Variants in GABRD observed in about 807,000 individuals in gnomAD.
The protein encoded by GABRD is gamma-aminobutyric acid receptor subunit delta.
A neutral mutation model predicts 47.3 loss-of-function variants in GABRD; 25 were observed. That is an observed-to-expected ratio of 0.53 (90% CI 0.39 to 0.74). The LOEUF is 0.74. Among genes scored for constraint, GABRD ranks in the 30% least tolerant of loss-of-function variants. The probability of loss-of-function intolerance (pLI) is 0.00; values close to 1 mark genes in which losing one functional copy is unlikely to be tolerated. For missense variants in GABRD, 497 were observed against 643.4 expected (o/e 0.77, Z 2.46); for synonymous variants, 314 against 278.8 (o/e 1.13, Z -1.26).
Position 2,028,316 on chromosome 1 carries a change from C to A in GABRD, c.691+24C>A. 1 of 1,594,952 alleles carries A rather than the reference C, an allele frequency of 6.3e-7. No homozygotes were observed. Among genetic ancestry groups the A allele is most frequent in the East Asian group, 2.3e-5 (1 of 43,922 alleles). ...CGGTAACATATGCCCGCCGCCCCTT[C>A]CGCATGTGCCCGCCGCCCCTTCCGC... On this transcript the variant is annotated intron_variant, in intron 6 of 8. Coordinates refer to ENST00000378585, the MANE Select transcript of GABRD (RefSeq NM_000815.5). This position sits in a 1 kb window ranked among gnomAD's most constrained non-coding sequence, Gnocchi z 6.4.
chr1:2,029,681 G>A lies in GABRD; in HGVS notation c.978G>A (p.Val326=), dbSNP rs1036762635. 6.2e-7 allele frequency: 1 copy of A among 1,613,572 alleles called. No individual in the cohort carries two copies. The highest frequency in any genetic ancestry group is 1.6e-4 in the Middle Eastern group (1 of 6,062). The change falls in exon 8 of 9, where the codon GTG becomes GTA. Residue 326 remains valine, a synonymous_variant. Coordinates refer to ENST00000378585, the MANE Select transcript of GABRD (RefSeq NM_000815.5). ...ATGTCTTCGTGTTTGCCGCCCTGGT[G>A]GAGTACGCCTTTGCTCATTTCAACG... The part of the protein sequence containing the change: ...ICYVFVFAAL[V]EYAFAHFNAD...
At chr1:2,029,454 G>A (rs1324732812) in intron 7 of GABRD, 97 bp from the exon 8 acceptor site, 5 of 1,525,410 alleles carry the variant, frequency 3.3e-6, no homozygotes, top group Non-Finnish European at 3.6e-6. Context: ...TGGGGGTGGG[G>A]GGCAGCGGAC....
chr1:2,028,784 A>C lies in GABRD; in HGVS notation c.692-327A>C. 1 of 358,304 alleles carries C rather than the reference A, an allele frequency of 2.8e-6. No individual in the cohort carries two copies. The highest frequency in any genetic ancestry group is 5.1e-6 in the Non-Finnish European group (1 of 196,958). 22.2% of individuals were successfully genotyped at this position (358,304 alleles called of 1,614,324 possible). A position where few individuals can be genotyped will look rare whatever the true frequency, so the allele number is the denominator to read the frequency against. On this transcript the variant is annotated intron_variant, in intron 6 of 8. Transcript: ENST00000378585. The surrounding 1 kb of genome is among the most constrained non-coding windows in gnomAD (Gnocchi z 6.4). ...TCCAGAGCCTGGCTGTGCCCGCAGGAGTGTTAGGAGAGAAAGGGGTGAGCC... is the reference window on the plus strand; with the variant it reads ...TCCAGAGCCTGGCTGTGCCCGCAGGCGTGTTAGGAGAGAAAGGGGTGAGCC...
intron 1 of GABRD, 50 bp downstream of exon 1, chr1:2,019,541 C>T: frequency 9.4e-7 from 1 of 1,058,306 alleles, no homozygotes; most frequent in Non-Finnish European, 1.2e-6. Context: ...GTGGGGGGCC[C>T]GCGTCGGCCC....
Position 2,025,234 on chromosome 1 carries a change from T to C in GABRD, c.182-100T>C, listed in dbSNP as rs1042725496. ...CAGGGAGGTGCAGCTTCTCAGGCCATGATGGCCGACTGCCTGTGACTGGGA... is the reference window on the plus strand; with the variant it reads ...CAGGGAGGTGCAGCTTCTCAGGCCACGATGGCCGACTGCCTGTGACTGGGA... On this transcript the variant is annotated intron_variant, in intron 2 of 8. Transcript: ENST00000378585. 7.6e-6 allele frequency: 11 copies of C among 1,451,450 alleles called. No individual in the cohort carries two copies. In the African/African-American group the frequency reaches 1.1e-4, roughly 15 times the overall value. The allele number at this position is 1,451,450 out of a possible 1,614,324, so 89.9% of individuals were successfully genotyped here. A position where few individuals can be genotyped will look rare whatever the true frequency, so the allele number is the denominator to read the frequency against.
intron 1 of GABRD, among the ~76,000 whole-genome samples, chr1:2,020,336 C>G (rs1658739832): frequency 6.6e-6 from 1 of 152,246 alleles, no homozygotes; most frequent in African/African-American, 2.4e-5. Flanking sequence ...TTGAAAATCA[C>G]CTCAGTGCAA....
Position 2,025,317 on chromosome 1 carries a change from C to G in GABRD, c.182-17C>G, listed in dbSNP as rs1658890635. On this transcript the variant is annotated splice_polypyrimidine_tract_variant and intron_variant, in intron 2 of 8. Coordinates refer to ENST00000378585, the MANE Select transcript of GABRD (RefSeq NM_000815.5). Reference sequence around the variant, plus strand: ...GGGCCGGCCTCAGTCCTTCTTAGTTCTGCTCTTTCCTTGCAGGCCCCCCCG... The same window carrying G: ...GGGCCGGCCTCAGTCCTTCTTAGTTGTGCTCTTTCCTTGCAGGCCCCCCCG... The G allele has an allele frequency of 1.2e-6, 2 of 1,612,998 alleles. No homozygotes were observed. Among genetic ancestry groups the G allele is most frequent in the South Asian group, 1.1e-5 (1 of 91,092 alleles).
rs1218136405 is a variant in GABRD, at chr1:2,030,045, G to T, written c.1122G>T (p.Leu374=). 1.2e-6 allele frequency: 2 copies of T among 1,612,402 alleles called. No individual in the cohort carries two copies. The highest frequency in any genetic ancestry group is 2.2e-5 in the South Asian group (2 of 91,042). ...CTGCTGCCGGCGTCACGCAGGAGCT[G>T]GCCATCTCCCGCCGGCAGCGCCGCG... is the stretch of plus-strand genomic sequence containing the variant. ...SLSAAGVTQE[L]AISRRQRRVP... Residue 374 remains leucine (L), a synonymous_variant, in exon 9 of 9, where the codon CTG becomes CTT. Transcript: ENST00000378585.
rs1429789997 is a variant in GABRD, at chr1:2,029,547, G to A, written c.848-4G>A. The A allele has an allele frequency of 1.9e-6, 3 of 1,612,080 alleles. No homozygotes were observed. Among genetic ancestry groups the A allele is most frequent in the Admixed American group, 3.3e-5 (2 of 60,006 alleles). On this transcript the variant is annotated splice_polypyrimidine_tract_variant and splice_region_variant and intron_variant, in intron 7 of 8. Coordinates refer to ENST00000378585, the MANE Select transcript of GABRD (RefSeq NM_000815.5). Reference sequence around the variant, plus strand: ...ACGACAATGGCACCACCTGTGCCCGGCAGGCATCACCACGGTGCTGACGAT... The same window carrying A: ...ACGACAATGGCACCACCTGTGCCCGACAGGCATCACCACGGTGCTGACGAT...
chr1:2,025,139 G>A (rs1658885203), intron 2 of GABRD, 85 bp downstream of exon 2: 1 of 1,329,796 alleles, frequency 7.5e-7, no homozygotes, highest in African/African-American at 1.5e-5. Flanking sequence ...GCTGTAGGCT[G>A]GCCTCTAGGC....
At position 2,030,313 on chromosome 1, in the gene GABRD, T is replaced by G; in HGVS notation, c.*31T>G. The G allele has an allele frequency of 6.8e-7, 1 of 1,473,342 alleles. No individual in the cohort carries two copies. Among genetic ancestry groups the G allele is most frequent in the South Asian group, 1.4e-5 (1 of 70,476 alleles). The allele number at this position is 1,473,342 out of a possible 1,614,324, so 91.3% of individuals were successfully genotyped here. A position where few individuals can be genotyped will look rare whatever the true frequency, so the allele number is the denominator to read the frequency against. On this transcript the variant is annotated 3_prime_UTR_variant, in exon 9 of 9. Transcript: ENST00000378585. ...GGACTCAGGCCACCCTCGCTTGTCC[T>G]GGCGCCCGGCGGCAGCTGCCCAGAA...
rs995042272 is a variant in GABRD, at chr1:2,023,218, C to G, written c.69-1724C>G. On this transcript the variant is annotated intron_variant, in intron 1 of 8. Transcript: ENST00000378585. ...TAGCCTGAGGCACCAGACCTCTGTGCCCTGCCCCTTGCCTCTCCCTTGGGA... is the reference window on the plus strand; with the variant it reads ...TAGCCTGAGGCACCAGACCTCTGTGGCCTGCCCCTTGCCTCTCCCTTGGGA... Among the ~76,000 whole-genome samples, 9 of 152,174 alleles carry G rather than the reference C, an allele frequency of 5.9e-5. 2 individuals are homozygous for G.
At chr1:2,022,297 C>T (rs1051619560) in intron 1 of GABRD, 2 of 152,324 alleles carry the variant, frequency 1.3e-5, no homozygotes, top group African/African-American at 4.8e-5. Context: ...AGTGAGGGGC[C>T]CTCCAGACCC....
At position 2,025,634 on chromosome 1, in the gene GABRD, C is replaced by T. The variant is rs1019524374; in HGVS notation, c.366C>T (p.Pro122=). Residue 122 remains proline (P), a synonymous_variant, in exon 4 of 9, where the codon CCC becomes CCT. Coordinates refer to ENST00000378585, the MANE Select transcript of GABRD (RefSeq NM_000815.5). ...DSRFVDKLWL[P]DTFIVNAKSA... ...GCTTCGTGGACAAGCTGTGGCTGCC[C>T]GACACCTTCATCGTGAACGCCAAGT... The T allele has an allele frequency of 8.1e-6, 13 of 1,613,018 alleles. No individual in the cohort carries two copies. Among genetic ancestry groups the T allele is most frequent in the Middle Eastern group, 1.6e-4 (1 of 6,062 alleles).
At chr1:2,026,302 G>A (rs923473056) in intron 4 of GABRD, among the ~76,000 whole-genome samples, 13 of 152,178 alleles carry the variant, frequency 8.5e-5, no homozygotes, top group South Asian at 4.1e-4. Flanking sequence ...ACGTCCTCAC[G>A]GTTCATCCCA....
rs1313066233 is a variant in GABRD at position 2,028,521 on chromosome 1, G to C, written c.691+229G>C. 6.6e-6 allele frequency among the ~76,000 whole-genome samples: 1 copy of C among 152,148 alleles called. No individual in the cohort carries two copies. The highest frequency in any genetic ancestry group is 1.9e-4 in the East Asian group (1 of 5,190). ...AGCTGCACCTGAACCAGGGCTTCCA[G>C]GCCTGCCATTGTGTGGGCGTGGGTC... is the stretch of plus-strand genomic sequence containing the variant. On this transcript the variant is annotated intron_variant, in intron 6 of 8. Transcript: ENST00000378585. This position sits in a 1 kb window ranked among gnomAD's most constrained non-coding sequence, Gnocchi z 6.4.
In GABRD at chr1:2,028,946, G is replaced by T; in HGVS notation, c.692-165G>T. ...CCTGTGGCCAGACCTAGGGCCGGAG[G>T]CCCCCTGACATTTCAGGCCATGTGG... On this transcript the variant is annotated intron_variant, in intron 6 of 8. Transcript: ENST00000378585. This position sits in a 1 kb window ranked among gnomAD's most constrained non-coding sequence, Gnocchi z 6.4. 1 of 815,726 alleles carries T rather than the reference G, an allele frequency of 1.2e-6. No homozygotes were observed. The highest frequency in any genetic ancestry group is 1.9e-6 in the Non-Finnish European group (1 of 530,342). 50.5% of individuals were successfully genotyped at this position (815,726 alleles called of 1,614,324 possible). A position where few individuals can be genotyped will look rare whatever the true frequency, so the allele number is the denominator to read the frequency against.
At chr1:2,029,870 G>A in intron 8 of GABRD, 108 bp downstream of exon 8, 2 of 1,508,480 alleles carry the variant, frequency 1.3e-6, no homozygotes, top group South Asian at 1.1e-5. Flanking sequence ...TGAGCGTGGG[G>A]GGCTGGAGCT....
Position 2,025,790 on chromosome 1 carries a change from G to A in GABRD, c.470+52G>A, listed in dbSNP as rs533947004. The stretch of plus-strand genomic sequence containing the variant: ...GGGGGAGAGCCTGCCCGGGCCAAGC[G>A]TCGGCGCCTGGACGCTCCAAGGCTT... On this transcript the variant is annotated intron_variant, in intron 4 of 8. Transcript: ENST00000378585. 3.4e-4 allele frequency: 528 copies of A among 1,535,092 alleles called. 1 individual carries two copies. In the African/African-American group the frequency reaches 6.4e-3, roughly 19 times the overall value.
Sources: gnomAD v4.1 joint callset for allele counts (sites outside exome capture counted in the v4.1 genomes callset) on GRCh38, gnomAD v4.1.1 for gene constraint, Gnocchi (gnomAD v3.1) non-coding constraint, MANE v1.5 for transcripts, NCBI Gene and HGNC (gene_info 2026-07-23, HGNC 2026-07-21) for gene names.